SNTG1: variants seen among roughly 807,000 people sequenced by gnomAD.
SNTG1 encodes gamma-1-syntrophin.
SNTG1 carries 39 observed loss-of-function variants against 74.7 expected under a neutral mutation model. The observed-to-expected ratio is 0.52, with a 90% CI of 0.40 to 0.68. The LOEUF is 0.68. SNTG1 is among the 30% of genes least tolerant of loss of function. The pLI, the probability that SNTG1 is intolerant of heterozygous loss-of-function variation, is 0.00. For missense variants in SNTG1, 685 were observed against 609.5 expected, an observed-to-expected ratio of 1.12 and a Z score of -1.30; for synonymous variants, 254 against 217.1, an observed-to-expected ratio of 1.17 and a Z score of -1.49.
intron 2 of SNTG1, among the ~76,000 whole-genome samples, chr8:50,386,073 AT>A (rs2131262890): frequency 6.6e-6 from 1 of 152,294 alleles, no homozygotes; most frequent in African/African-American, 2.4e-5. Context: ...AATGGCATCC[AT>A]TTGGCCTTTC....
Position 50,257,686 on chromosome 8 carries a change from T to C in SNTG1, c.-28+85051T>C, listed in dbSNP as rs139002005. ...TAAATAACTCTCACATGCTTAGTGTTTCAATAATGGAACACTAGACATAAG... is the reference window on the plus strand; with the variant it reads ...TAAATAACTCTCACATGCTTAGTGTCTCAATAATGGAACACTAGACATAAG... On this transcript the variant is annotated intron_variant, in intron 2 of 18. Coordinates refer to ENST00000642720, the MANE Select transcript of SNTG1 (RefSeq NM_018967.5). 2.2e-3 allele frequency among the ~76,000 whole-genome samples: 334 copies of C among 152,252 alleles called. 2 individuals are homozygous for C. Among genetic ancestry groups the C allele is most frequent in the African/African-American group, 7.5e-3 (312 of 41,538 alleles).
intron 2 of SNTG1, among the ~76,000 whole-genome samples, chr8:50,389,747 T>C (rs1460967449): frequency 6.6e-6 from 1 of 152,222 alleles, no homozygotes; most frequent in East Asian, 1.9e-4. Flanking sequence ...CAGCACCTGT[T>C]GTTTCCTGAC....
chr8:50,298,687 G>A (rs1256527708), intron 2 of SNTG1, among the ~76,000 whole-genome samples: 1 of 152,078 alleles, frequency 6.6e-6, no homozygotes, highest in Non-Finnish European at 1.5e-5. Flanking sequence ...TTACCCTTTG[G>A]ATCAGAGAAA....
At chr8:49,993,859 T>C (rs1230338798) in intron 1 of SNTG1, among the ~76,000 whole-genome samples, 2 of 152,202 alleles carry the variant, frequency 1.3e-5, no homozygotes, top group African/African-American at 4.8e-5. Flanking sequence ...CTCTGGGATT[T>C]ATGTTGAAGA....
Position 50,563,342 on chromosome 8 carries a change from A to G in SNTG1, c.810+10163A>G, listed in dbSNP as rs183639896. 1.6e-4 allele frequency among the ~76,000 whole-genome samples: 25 copies of G among 152,314 alleles called. No individual in the cohort carries two copies. In the East Asian group the frequency reaches 4.8e-3, roughly 29 times the overall value. ...ATGTAAAGAAAAATGAAGACAGAAG[A>G]GAGAAAAACACATTTAGCTACAGTA... On this transcript the variant is annotated intron_variant, in intron 12 of 18. Coordinates refer to ENST00000642720, the MANE Select transcript of SNTG1 (RefSeq NM_018967.5).
At chr8:49,946,940 C>T (rs76725764) in intron 1 of SNTG1, among the ~76,000 whole-genome samples, 2,012 of 152,292 alleles carry the variant, frequency 0.013, 49 homozygotes, top group African/African-American at 0.043. Flanking sequence ...TCAACATATA[C>T]GTTTAACACA....
chr8:50,467,217 T>C (rs2093615490), intron 8 of SNTG1, among the ~76,000 whole-genome samples: 1 of 151,986 alleles, frequency 6.6e-6, no homozygotes, highest in African/African-American at 2.4e-5. Context: ...CCTTCTGTGT[T>C]CTAGACAAAA....
chr8:50,080,220 C>A (rs993700337), intron 1 of SNTG1, among the ~76,000 whole-genome samples: 1 of 152,126 alleles, frequency 6.6e-6, no homozygotes, highest in Non-Finnish European at 1.5e-5. Context: ...AGATGTCCTT[C>A]TCATCGCTGT....
intron 2 of SNTG1, among the ~76,000 whole-genome samples, chr8:50,221,791 A>G (rs574182705): frequency 8.5e-5 from 13 of 152,180 alleles, no homozygotes; most frequent in Non-Finnish European, 1.9e-4. Context: ...TAACAATGCA[A>G]CAGGTTCCTT....
chr8:50,260,169 C>G (rs979171153), intron 2 of SNTG1, among the ~76,000 whole-genome samples: 1 of 152,102 alleles, frequency 6.6e-6, no homozygotes, highest in Non-Finnish European at 1.5e-5. Context: ...ATGGTTTTTA[C>G]CAGAGTTTAA....
intron 1 of SNTG1, among the ~76,000 whole-genome samples, chr8:49,942,924 A>G (rs1318581424): frequency 5.3e-5 from 8 of 152,188 alleles, no homozygotes; most frequent in Admixed American, 5.2e-4. Flanking sequence ...GAAAATAGTC[A>G]CTATGAGGAT....
intron 18 of SNTG1, among the ~76,000 whole-genome samples, chr8:50,781,463 C>T (rs962020402): frequency 4.8e-5 from 7 of 146,556 alleles, no homozygotes; most frequent in Admixed American, 1.4e-4. Context: ...ATGTAATGGC[C>T]TTCTTTGTCT....
chr8:50,641,662 G>T (rs1386930431), intron 13 of SNTG1, among the ~76,000 whole-genome samples: 1 of 152,120 alleles, frequency 6.6e-6, no homozygotes, highest in African/African-American at 2.4e-5. Flanking sequence ...CCCCACAAAT[G>T]AACACTGTTT....
chr8:50,528,729 A>G (rs1444377948), intron 9 of SNTG1, among the ~76,000 whole-genome samples: 1 of 151,454 alleles, frequency 6.6e-6, no homozygotes, highest in Non-Finnish European at 1.5e-5. Flanking sequence ...TCCTTTTAAC[A>G]TCCGTTAGCT....
At chr8:50,567,191 G>C (rs1429938339) in intron 12 of SNTG1, among the ~76,000 whole-genome samples, 7 of 152,062 alleles carry the variant, frequency 4.6e-5, no homozygotes, top group Non-Finnish European at 1.0e-4. Context: ...TGATACATCT[G>C]TACTGCAGTT....
In SNTG1 at chr8:50,702,940, A is replaced by T. The variant is rs905880781; in HGVS notation, c.1039-1660A>T. Among the ~76,000 whole-genome samples, 3 of 152,238 alleles carry T rather than the reference A, an allele frequency of 2.0e-5. No individual in the cohort carries two copies. The East Asian group carries it at 5.8e-4, about 29-fold the overall frequency. On this transcript the variant is annotated intron_variant, in intron 15 of 18. Transcript: ENST00000642720. ...AAGTACAGTCTAAAAGATTTAAAAA[A>T]AAAATGATACACAGATACAGGGCAC...
At chr8:50,255,064 T>G (rs991975192) in intron 2 of SNTG1, among the ~76,000 whole-genome samples, 1 of 151,840 alleles carries the variant, frequency 6.6e-6, no homozygotes, top group African/African-American at 2.4e-5. Flanking sequence ...TCACTGTGAT[T>G]TTGTTTGCTG....
At chr8:50,617,744 G>T (rs1022418684) in intron 13 of SNTG1, among the ~76,000 whole-genome samples, 2 of 152,196 alleles carry the variant, frequency 1.3e-5, no homozygotes, top group African/African-American at 4.8e-5. Flanking sequence ...CATGACTGGG[G>T]GCTGCATGCA....
At chr8:50,089,921 G>T (rs192597320) in intron 1 of SNTG1, among the ~76,000 whole-genome samples, 2 of 152,272 alleles carry the variant, frequency 1.3e-5, no homozygotes, top group African/African-American at 4.8e-5. Flanking sequence ...ATACCCAAAT[G>T]ACTATAAATC....
Sources: gnomAD v4.1 joint callset for allele counts (sites outside exome capture counted in the v4.1 genomes callset) on GRCh38, gnomAD v4.1.1 for gene constraint, MANE v1.5 for transcripts, NCBI Gene and HGNC (gene_info 2026-07-23, HGNC 2026-07-21) for gene names.